Variants in PCID2 observed in about 807,000 individuals in gnomAD.
PCID2 encodes PCI domain containing 2.
Under a neutral mutation model 61.3 loss-of-function variants are expected in PCID2, and 41 were observed. The ratio of observed to expected loss-of-function variants is 0.67; its 90% CI spans 0.52 to 0.87. PCID2 has a LOEUF of 0.87. Among genes scored for constraint, PCID2 ranks in the 40% least tolerant of loss-of-function variants. The pLI is 0.00. For missense variants in PCID2, 392 were observed against 493.4 expected (o/e 0.79, Z 1.95); for synonymous variants, 187 against 177.8 (o/e 1.05, Z -0.41).
At chr13:113,189,758 C>T (rs1452766750) in intron 7 of PCID2, among the ~76,000 whole-genome samples, 1 of 150,306 alleles carries the variant, frequency 6.7e-6, no homozygotes, top group East Asian at 1.9e-4. Context: ...TGCAGTGGCT[C>T]ACGCCTATAA....
chr13:113,205,530 T>C (rs2039743210), intron 1 of PCID2, among the ~76,000 whole-genome samples: 1 of 151,990 alleles, frequency 6.6e-6, no homozygotes, highest in African/African-American at 2.4e-5. Flanking sequence ...CCAAAAAGAA[T>C]ACAAAACCTG....
chr13:113,197,890 A>C (rs762642808), intron 3 of PCID2, among the ~76,000 whole-genome samples: 1 of 152,266 alleles, frequency 6.6e-6, no homozygotes, highest in African/African-American at 2.4e-5. Context: ...AGTAACGTAA[A>C]GAGCTTCAAA....
At chr13:113,171,772 C>T in the PCID2 span, 1 of 1,612,584 alleles carries the variant, frequency 6.2e-7, no homozygotes, top group Non-Finnish European at 8.5e-7. This position sits in a 1 kb window ranked among gnomAD's most constrained non-coding sequence, Gnocchi z 5.1. Context: ...TCGCTGAGCA[C>T]CTCCTCATCC....
chr13:113,172,170 C>T, the PCID2 span: 1 of 1,579,768 alleles, frequency 6.3e-7, no homozygotes, highest in Non-Finnish European at 8.6e-7. Context: ...GGCACTGCCA[C>T]TGTGGAGGGC....
intron 7 of PCID2, among the ~76,000 whole-genome samples, chr13:113,189,018 G>A (rs780681639): frequency 2.0e-5 from 3 of 152,094 alleles, no homozygotes; most frequent in Non-Finnish European, 4.4e-5. Flanking sequence ...GGAACCTAAT[G>A]GGAGGTTTTT....
At chr13:113,196,276 T>C (rs1209278443) in intron 4 of PCID2, 54 bp from the exon 5 acceptor site, 2 of 1,323,258 alleles carry the variant, frequency 1.5e-6, no homozygotes, top group South Asian at 1.3e-5. Context: ...CTACGTACGA[T>C]AAAAGTAAAG....
At chr13:113,184,856 A>T (rs1302883554) in intron 8 of PCID2, among the ~76,000 whole-genome samples, 6 of 137,636 alleles carry the variant, frequency 4.4e-5, no homozygotes, top group South Asian at 2.4e-4. Context: ...AGCCTGTGCT[A>T]GTGGAGGCTC....
intron 8 of PCID2, among the ~76,000 whole-genome samples, chr13:113,185,109 C>T (rs571167836): frequency 6.6e-6 from 1 of 152,364 alleles, no homozygotes; most frequent in African/African-American, 2.4e-5. Context: ...TCCATCTATC[C>T]ATCTACGTGC....
At chr13:113,174,460 G>A (rs970170537), downstream of PCID2, among the ~76,000 whole-genome samples, 1 of 152,136 alleles carries the variant, frequency 6.6e-6, no homozygotes, top group African/African-American at 2.4e-5. Flanking sequence ...TAACAAAACA[G>A]TAAAACTCAA....
chr13:113,174,681 G>C (rs781157132), downstream of PCID2, among the ~76,000 whole-genome samples: 1 of 152,112 alleles, frequency 6.6e-6, no homozygotes, highest in Non-Finnish European at 1.5e-5. Context: ...GATGGATTTT[G>C]CCATATTGCC....
Sources: gnomAD v4.1 joint callset for allele counts (sites outside exome capture counted in the v4.1 genomes callset) on GRCh38, gnomAD v4.1.1 for gene constraint, Gnocchi (gnomAD v3.1) non-coding constraint, MANE v1.5 for transcripts, NCBI Gene and HGNC (gene_info 2026-07-23, HGNC 2026-07-21) for gene names.